The following COL4A6 variants were observed in gnomAD, a reference collection of about 807,000 sequenced individuals.
COL4A6 encodes the protein collagen type IV alpha 6 chain, also known as collagen alpha-6(IV) chain.
Under a neutral mutation model 126.7 loss-of-function variants are expected in COL4A6, and 59 were observed. The observed-to-expected ratio is 0.47, with a 90% CI of 0.38 to 0.58. The LOEUF (loss-of-function observed/expected upper bound fraction) is 0.58, where lower values mean the gene tolerates loss of function less well. Ranked by LOEUF, COL4A6 falls within the 20% of genes least tolerant of loss-of-function variation. COL4A6 has a pLI of 0.00. For missense variants in COL4A6, 1,285 were observed against 1,337.3 expected (o/e 0.96, Z 0.61); for synonymous variants, 547 against 496.6 (o/e 1.10, Z -1.35).
At chrX:108,294,518 GA>G (rs1451324302) in intron 3 of COL4A6, among the ~76,000 whole-genome samples, 1 of 108,815 alleles carries the variant, frequency 9.2e-6, no homozygotes, top group African/African-American at 3.3e-5. Flanking sequence ...AAAAGGGGAA[GA>G]AGTAGAAGAG....
At chrX:108,438,428 C>G (rs1314095811), upstream of COL4A6, 2 of 1,016,707 alleles carry the variant, frequency 2.0e-6, no homozygotes, top group East Asian at 7.5e-5. Context: ...GAGATAGTTC[C>G]ATGCAGCAGG....
chrX:108,405,415 C>T (rs183148896), intron 2 of COL4A6, among the ~76,000 whole-genome samples: 1 of 109,906 alleles, frequency 9.1e-6, no homozygotes, highest in Non-Finnish European at 1.9e-5. Flanking sequence ...GAATTCCTGA[C>T]CTCAAGTGAT....
intron 28 of COL4A6, among the ~76,000 whole-genome samples, chrX:108,176,122 C>T (rs191479352): frequency 3.0e-3 from 333 of 109,599 alleles, no homozygotes; most frequent in Non-Finnish European, 4.6e-3. Flanking sequence ...GTCAGGAGTT[C>T]GAGACCAGCC....
At chrX:108,311,577 G>A (rs1449873067) in intron 2 of COL4A6, among the ~76,000 whole-genome samples, 1 of 111,356 alleles carries the variant, frequency 9.0e-6, no homozygotes. Flanking sequence ...CATCAAGCCT[G>A]TTCCTGCCTC....
At chrX:108,371,218 A>T (rs992993535) in intron 2 of COL4A6, among the ~76,000 whole-genome samples, 32 of 110,355 alleles carry the variant, frequency 2.9e-4, no homozygotes, top group Admixed American at 7.8e-4. Flanking sequence ...TTTTTTTAAT[A>T]TAGAAAAGCA....
In COL4A6 at chrX:108,187,156, G is replaced by A; in HGVS notation, c.1891C>T (p.Leu631Phe). The A allele has an allele frequency of 8.4e-7, 1 of 1,196,378 alleles. No individual in the cohort carries two copies. Among genetic ancestry groups the A allele is most frequent in the South Asian group, 1.8e-5 (1 of 54,301 alleles). Reference protein sequence around the residue: ...GLPGLPGPRGLPGDKGKDGLP... With the variant: ...GLPGLPGPRGFPGDKGKDGLP... ...CCATCCTTGCCTTTATCTCCAGGAA[G>A]CCCACGGGGTCCAGGAAGTCCTGGT... The change falls in exon 23 of 45, where the codon CTT (leucine) becomes TTT (phenylalanine). Residue 631 changes from leucine (L) to phenylalanine (F), a missense_variant. Physicochemically the swap from Leu to Phe is conservative, Grantham distance 22. Coordinates refer to ENST00000334504, the MANE Select transcript of COL4A6 (RefSeq NM_033641.4).
chrX:108,161,804 G>C, intron 41 of COL4A6, 69 bp from the exon 42 acceptor site: 1 of 707,664 alleles, frequency 1.4e-6, no homozygotes, highest in Non-Finnish European at 2.2e-6. Flanking sequence ...CCCAGGAAAG[G>C]GGACTTATGT....
chrX:108,307,901 G>A (rs1013394835), intron 3 of COL4A6, among the ~76,000 whole-genome samples: 6 of 111,883 alleles, frequency 5.4e-5, no homozygotes, highest in African/African-American at 2.0e-4. Flanking sequence ...TCCACGTTCA[G>A]TTTTCTGCAT....
chrX:108,289,539 T>C (rs2038105585), intron 3 of COL4A6, among the ~76,000 whole-genome samples: 1 of 111,025 alleles, frequency 9.0e-6, no homozygotes, highest in Non-Finnish European at 1.9e-5. Flanking sequence ...GCCAAGTTTT[T>C]GTTTTTGTTT....
intron 2 of COL4A6, among the ~76,000 whole-genome samples, chrX:108,435,540 T>C (rs1338646169): frequency 8.9e-6 from 1 of 111,887 alleles, no homozygotes; most frequent in African/African-American, 3.3e-5. Context: ...GTTAGGCGCC[T>C]AACAGCCAAA....
At chrX:108,363,233 G>T (rs1298170635) in intron 2 of COL4A6, among the ~76,000 whole-genome samples, 2 of 111,639 alleles carry the variant, frequency 1.8e-5, no homozygotes, top group Non-Finnish European at 1.9e-5. Context: ...AGGTAAAAGC[G>T]ATACTACTTC....
At position 108,407,852 on chromosome X, in the gene COL4A6, G is replaced by C. The variant is rs181079803; in HGVS notation, c.63+30090C>G. Among the ~76,000 whole-genome samples the C allele has an allele frequency of 1.6e-4, 18 of 112,230 alleles. No homozygotes were observed. The East Asian group carries it at 5.0e-3, about 31-fold the overall frequency. On this transcript the variant is annotated intron_variant, in intron 2 of 44. Transcript: ENST00000334504. ...TGCTGCTGATGGTGGTGGTGATCGC[G>C]TTAGTACCAGTTAGTATTTACTGAT... is the stretch of plus-strand genomic sequence containing the variant.
chrX:108,161,547 TCA>T, intron 42 of COL4A6, 70 bp downstream of exon 42: 1 of 639,209 alleles, frequency 1.6e-6, no homozygotes, highest in Non-Finnish European at 2.4e-6. Flanking sequence ...GAAGTTTTAC[TCA>T]CCCCCAGCCT....
chrX:108,421,484 G>T (rs1357270529), intron 2 of COL4A6, among the ~76,000 whole-genome samples: 2 of 111,986 alleles, frequency 1.8e-5, no homozygotes, highest in Non-Finnish European at 3.8e-5. Flanking sequence ...GAAGCCATTG[G>T]ATTTAGTGAT....
At chrX:108,279,576 C>A (rs984983830) in intron 3 of COL4A6, among the ~76,000 whole-genome samples, 1 of 111,509 alleles carries the variant, frequency 9.0e-6, no homozygotes, top group African/African-American at 3.3e-5. Context: ...CAACATTAGA[C>A]AGATCAACGA....
chrX:108,214,300 G>C, intron 5 of COL4A6, 72 bp from the exon 6 acceptor site: 1 of 729,007 alleles, frequency 1.4e-6, no homozygotes, highest in Non-Finnish European at 2.1e-6. Context: ...TCCACAGCGA[G>C]AAAAGCCAAG....
At chrX:108,434,881 A>G (rs187739367) in intron 2 of COL4A6, among the ~76,000 whole-genome samples, 1 of 110,216 alleles carries the variant, frequency 9.1e-6, no homozygotes, top group East Asian at 2.8e-4. Context: ...AAAGTAGAAG[A>G]GTACTTTAAG....
intron 3 of COL4A6, among the ~76,000 whole-genome samples, chrX:108,280,340 C>G (rs1305258025): frequency 9.0e-6 from 1 of 111,614 alleles, no homozygotes; most frequent in Non-Finnish European, 1.9e-5. Flanking sequence ...GAAATACAAA[C>G]TACCATCAGA....
At chrX:108,176,764 A>G in intron 28 of COL4A6, 77 bp downstream of exon 28, 2 of 1,033,367 alleles carry the variant, frequency 1.9e-6, no homozygotes, top group Non-Finnish European at 2.6e-6. Flanking sequence ...TCCTAGGCAG[A>G]GAGGAAGGAG....
Sources: allele counts gnomAD v4.1 joint callset (sites outside exome capture counted in the v4.1 genomes callset), GRCh38; gene constraint gnomAD v4.1.1; transcripts MANE v1.5; gene names NCBI Gene and HGNC (gene_info 2026-07-23, HGNC 2026-07-21).